Variants in CPA4 observed in about 807,000 individuals in gnomAD.
CPA4 encodes carboxypeptidase A4.
In CPA4, 49 loss-of-function variants were observed where a neutral mutation model predicts 54.7. That is an observed-to-expected ratio of 0.90 (90% CI 0.71 to 1.14). CPA4 has a LOEUF of 1.14. Among genes scored for constraint, CPA4 ranks in the 50% most tolerant of loss-of-function variants. The pLI, the probability that CPA4 is intolerant of heterozygous loss-of-function variation, is 0.00. For synonymous variants in CPA4, 215 were observed against 206.8 expected (o/e 1.04, Z -0.34); for missense variants, 487 against 525.1 (o/e 0.93, Z 0.71).
intron 5 of CPA4, 44 bp from the exon 6 acceptor site, chr7:130,305,772 A>C: frequency 7.3e-7 from 1 of 1,378,828 alleles, no homozygotes. Context: ...GTGAGCAGAG[A>C]TGCGGGCAGG....
rs1034052257 is a variant in CPA4 at position 130,323,039 on chromosome 7, A to G, written c.*363A>G. The G allele has an allele frequency of 5.5e-6, 1 of 183,230 alleles. No homozygotes were observed. The highest frequency in any genetic ancestry group is 2.3e-5 in the African/African-American group (1 of 42,568). 11.4% of individuals were successfully genotyped at this position (183,230 alleles called of 1,614,324 possible). A position where few individuals can be genotyped will look rare whatever the true frequency, so the allele number is the denominator to read the frequency against. Reference sequence around the variant, plus strand: ...CTGAGATGATTCTCTACCCTCATCCACATCTAGCCAAGCCAGTGACCTTGC... The same window carrying G: ...CTGAGATGATTCTCTACCCTCATCCGCATCTAGCCAAGCCAGTGACCTTGC... On this transcript the variant is annotated 3_prime_UTR_variant, in exon 11 of 11. Transcript: ENST00000222482.
Position 130,305,874 on chromosome 7 carries a change from C to T in CPA4, c.545C>T (p.Ser182Phe), listed in dbSNP as rs779132743. 6.2e-6 allele frequency: 10 copies of T among 1,614,148 alleles called. No homozygotes were observed. In the South Asian group the frequency reaches 9.9e-5, roughly 16 times the overall value. ...PAVWLNAGIH[S>F]REWISQATAI... ...GTTTGGCTGAATGCAGGCATCCATT[C>T]CCGAGAGTGGATCTCCCAGGCCACT... Residue 182 changes from serine to phenylalanine, a missense_variant, in exon 6 of 11, where the codon TCC becomes TTC. By Grantham distance (155) the Ser-to-Phe change is radical. Transcript: ENST00000222482.
intron 10 of CPA4, among the ~76,000 whole-genome samples, chr7:130,318,747 T>C (rs577912768): frequency 2.0e-5 from 3 of 152,286 alleles, no homozygotes; most frequent in South Asian, 4.1e-4. Context: ...ATCTTCCATA[T>C]TCTTTATAGG....
chr7:130,293,990 G>A (rs1793611828), intron 1 of CPA4, among the ~76,000 whole-genome samples: 1 of 152,136 alleles, frequency 6.6e-6, no homozygotes, highest in African/African-American at 2.4e-5. Flanking sequence ...AGATAAAAGG[G>A]ATACCATGGT....
At chr7:130,321,292 G>T (rs1438398157) in intron 10 of CPA4, among the ~76,000 whole-genome samples, 1 of 152,094 alleles carries the variant, frequency 6.6e-6, no homozygotes, top group Non-Finnish European at 1.5e-5. Flanking sequence ...TGGACCTCTT[G>T]CCCTTCATAA....
chr7:130,299,815 A>G (rs1456903097), intron 3 of CPA4: 2 of 169,856 alleles, frequency 1.2e-5, no homozygotes, highest in African/African-American at 4.7e-5. Flanking sequence ...GTCTGCCATT[A>G]AGTCATAAGT....
chr7:130,318,662 C>T (rs956069622), intron 10 of CPA4, among the ~76,000 whole-genome samples: 1 of 152,188 alleles, frequency 6.6e-6, no homozygotes, highest in African/African-American at 2.4e-5. Flanking sequence ...CTGCCCGCCT[C>T]GGCCTCTCAA....
intron 5 of CPA4, among the ~76,000 whole-genome samples, chr7:130,305,078 T>G (rs976883637): frequency 1.3e-5 from 2 of 152,184 alleles, no homozygotes; most frequent in African/African-American, 4.8e-5. Flanking sequence ...TAGAGAGCTA[T>G]GATAATGACA....
chr7:130,293,660 C>T (rs1029176386), intron 1 of CPA4: 2 of 199,704 alleles, frequency 1.0e-5, no homozygotes, highest in Middle Eastern at 2.2e-3. Flanking sequence ...TAAAGGGAAA[C>T]CCTGGGTCTC....
At chr7:130,319,943 C>A (rs1436238418) in intron 10 of CPA4, among the ~76,000 whole-genome samples, 1 of 152,084 alleles carries the variant, frequency 6.6e-6, no homozygotes, top group East Asian at 1.9e-4. Flanking sequence ...ACAGTCCCTC[C>A]CTGTGTTTGG....
rs1011637730 is a variant in CPA4, at chr7:130,300,813, C to G, written c.286-3C>G. On this transcript the variant is annotated splice_region_variant and splice_polypyrimidine_tract_variant and intron_variant, in intron 3 of 10. Coordinates refer to ENST00000222482, the MANE Select transcript of CPA4 (RefSeq NM_016352.4). ...ACTTCACAACATTGCTGTGTGTTTTCAGGCCCTTTTAGACAATGAAGATGA... is the reference window on the plus strand; with the variant it reads ...ACTTCACAACATTGCTGTGTGTTTTGAGGCCCTTTTAGACAATGAAGATGA... 6.2e-7 allele frequency: 1 copy of G among 1,608,156 alleles called. No homozygotes were observed.
chr7:130,306,133 G>C (rs994240699), intron 6 of CPA4: 9 of 584,288 alleles, frequency 1.5e-5, no homozygotes, highest in Admixed American at 5.9e-5. Flanking sequence ...TGCACAAGCT[G>C]ATATGCAGCA....
At chr7:130,303,294 G>A (rs979472356) in intron 4 of CPA4, among the ~76,000 whole-genome samples, 9 of 152,200 alleles carry the variant, frequency 5.9e-5, no homozygotes, top group East Asian at 1.9e-4. Flanking sequence ...ATTTTTAGCC[G>A]TTTATTTACC....
chr7:130,293,222 C>T lies in CPA4; in HGVS notation c.42C>T (p.Ser14=). ...TCATTGGGGCCCTTATTGGGTCCAG[C>T]ATCTGTGGCCAAGAAAAATTTTTTG... ...ILFIGALIGS[S]ICGQEKFFGD... Residue 14 remains serine, a synonymous_variant, in exon 1 of 11, where the codon AGC becomes AGT. Coordinates refer to ENST00000222482, the MANE Select transcript of CPA4 (RefSeq NM_016352.4). 6.2e-7 allele frequency: 1 copy of T among 1,612,120 alleles called. No homozygotes were observed. Among genetic ancestry groups the T allele is most frequent in the South Asian group, 1.1e-5 (1 of 90,820 alleles).
chr7:130,302,446 A>C (rs1466629363), intron 4 of CPA4, among the ~76,000 whole-genome samples: 2 of 149,476 alleles, frequency 1.3e-5, no homozygotes, highest in Non-Finnish European at 3.0e-5. Context: ...CCAAGATTGC[A>C]CCACTGCACT....
chr7:130,299,974 G>A (rs1456580711), intron 3 of CPA4, among the ~76,000 whole-genome samples: 1 of 152,156 alleles, frequency 6.6e-6, no homozygotes, highest in Non-Finnish European at 1.5e-5. Context: ...CTGGCCTCAC[G>A]ACCTGTATCT....
intron 9 of CPA4, 147 bp from the exon 10 acceptor site, chr7:130,311,891 C>G: frequency 1.6e-6 from 1 of 639,974 alleles, no homozygotes; most frequent in South Asian, 1.8e-5. Flanking sequence ...ACAGTTGGGC[C>G]TTGGCACTGG....
intron 3 of CPA4, among the ~76,000 whole-genome samples, chr7:130,300,026 G>A (rs971417878): frequency 6.6e-6 from 1 of 152,208 alleles, no homozygotes; most frequent in Non-Finnish European, 1.5e-5. Flanking sequence ...CTCCTTCACC[G>A]AGGTGGGTTA....
chr7:130,309,353 G>C (rs887850067), intron 8 of CPA4, among the ~76,000 whole-genome samples: 3 of 152,164 alleles, frequency 2.0e-5, no homozygotes, highest in Non-Finnish European at 4.4e-5. Context: ...TTGTGAGCAG[G>C]CGGAAGGACT....
Sources: gnomAD v4.1 joint callset for allele counts (sites outside exome capture counted in the v4.1 genomes callset) on GRCh38, gnomAD v4.1.1 for gene constraint, MANE v1.5 for transcripts, NCBI Gene and HGNC (gene_info 2026-07-23, HGNC 2026-07-21) for gene names.